KCNQ5: variants seen among roughly 807,000 people sequenced by gnomAD.
KCNQ5 encodes potassium voltage-gated channel subfamily Q member 5, also known as potassium voltage-gated channel subfamily KQT member 5.
A neutral mutation model predicts 98.2 loss-of-function variants in KCNQ5; 30 were observed. The ratio of observed to expected loss-of-function variants is 0.31; its 90% confidence interval spans 0.23 to 0.41. The LOEUF (loss-of-function observed/expected upper bound fraction) is 0.41, where lower values mean the gene tolerates loss of function less well. Ranked by LOEUF, KCNQ5 falls within the 10% of genes least tolerant of loss-of-function variation. KCNQ5 has a pLI of 1.00. For missense variants in KCNQ5, 835 were observed against 1,182.5 expected (o/e 0.71, Z 4.31); for synonymous variants, 458 against 449.4 (o/e 1.02, Z -0.24).
At chr6:73,041,121 G>C (rs916179913) in intron 2 of KCNQ5, among the ~76,000 whole-genome samples, 1 of 152,168 alleles carries the variant, frequency 6.6e-6, no homozygotes, top group African/African-American at 2.4e-5. Context: ...AGACAGCAAG[G>C]TGACTGTGCT....
chr6:72,916,923 G>A (rs886418054), intron 1 of KCNQ5, among the ~76,000 whole-genome samples: 25 of 152,150 alleles, frequency 1.6e-4, no homozygotes, highest in Non-Finnish European at 2.9e-5. Context: ...GGGATGGGTA[G>A]ACCCTGTACT....
chr6:72,802,321 C>A (rs1251694727), intron 1 of KCNQ5, among the ~76,000 whole-genome samples: 1 of 152,038 alleles, frequency 6.6e-6, no homozygotes, highest in African/African-American at 2.4e-5. Flanking sequence ...AGGCTTTGTT[C>A]GTTTCTTTTT....
chr6:72,859,082 C>A (rs1468869976), intron 1 of KCNQ5, among the ~76,000 whole-genome samples: 1 of 152,034 alleles, frequency 6.6e-6, no homozygotes, highest in African/African-American at 2.4e-5. Flanking sequence ...CTGTTTATGC[C>A]ATATAAATGT....
intron 2 of KCNQ5, among the ~76,000 whole-genome samples, chr6:73,039,514 T>C (rs1771596217): frequency 6.6e-6 from 1 of 152,170 alleles, no homozygotes; most frequent in African/African-American, 2.4e-5. Context: ...TTTTGTTATG[T>C]CATTTTTTTA....
At chr6:73,020,197 G>A (rs1770532255) in intron 2 of KCNQ5, among the ~76,000 whole-genome samples, 1 of 152,024 alleles carries the variant, frequency 6.6e-6, no homozygotes, top group Admixed American at 6.6e-5. Context: ...AGTCCCATGA[G>A]ACTGCCCCAA....
intron 1 of KCNQ5, among the ~76,000 whole-genome samples, chr6:72,641,242 C>G (rs2098927026): frequency 6.6e-6 from 1 of 151,998 alleles, no homozygotes; most frequent in African/African-American, 2.4e-5. Flanking sequence ...TGAAATCAAG[C>G]AAGTGGGAGT....
In KCNQ5 at chr6:73,075,908, G is replaced by C. The variant is rs568650506; in HGVS notation, c.617-1414G>C. 2.9e-3 allele frequency among the ~76,000 whole-genome samples: 435 copies of C among 152,284 alleles called. 2 individuals are homozygous for C. Among genetic ancestry groups the C allele is most frequent in the Non-Finnish European group, 4.7e-3 (322 of 68,020 alleles). ...AAAAATACAAAAATTAGCCAGGCGT[G>C]TTGGTGCATGCCTGTAGTCCTAGCT... On this transcript the variant is annotated intron_variant, in intron 3 of 13. Coordinates refer to ENST00000370398, the MANE Select transcript of KCNQ5 (RefSeq NM_019842.4).
intron 1 of KCNQ5, among the ~76,000 whole-genome samples, chr6:72,838,104 T>TC (rs926433444): frequency 1.6e-4 from 12 of 73,852 alleles, no homozygotes; most frequent in African/African-American, 4.5e-4. Flanking sequence ...CCCTCCCCCC[T>TC]CCCCCCACCC....
chr6:72,864,611 A>C lies in KCNQ5; in HGVS notation c.399-139297A>C, dbSNP rs1344509986. On this transcript the variant is annotated intron_variant, in intron 1 of 13. Coordinates refer to ENST00000370398, the MANE Select transcript of KCNQ5 (RefSeq NM_019842.4). ...TGAGTGAATTTGATTTTATGAAGCC[A>C]TGCAGAATTATTTGGAGATGCTAGT... 3.9e-5 allele frequency among the ~76,000 whole-genome samples: 6 copies of C among 152,318 alleles called. No homozygotes were observed. The East Asian group carries it at 1.2e-3, about 29-fold the overall frequency.
intron 1 of KCNQ5, among the ~76,000 whole-genome samples, chr6:72,917,688 G>A (rs958401406): frequency 1.3e-5 from 2 of 151,984 alleles, no homozygotes; most frequent in African/African-American, 4.8e-5. Flanking sequence ...GGCCAGGATG[G>A]TCTCGATTTC....
chr6:73,129,646 A>G, intron 9 of KCNQ5: 1 of 634,170 alleles, frequency 1.6e-6, no homozygotes, highest in Non-Finnish European at 2.7e-6. Context: ...CAATTAAACA[A>G]CATAGTACTC....
chr6:72,708,538 G>A lies in KCNQ5; in HGVS notation c.398+85951G>A, dbSNP rs187412206. On this transcript the variant is annotated intron_variant, in intron 1 of 13. Coordinates refer to ENST00000370398, the MANE Select transcript of KCNQ5 (RefSeq NM_019842.4). ...ATACATTTTTGGGTTGGGTGGCAGC[G>A]GGGACAGGGTCTCACTCTGTTGCCC... Among the ~76,000 whole-genome samples, 144 of 152,100 alleles carry A rather than the reference G, an allele frequency of 9.5e-4. 1 individual carries two copies. The highest frequency in any genetic ancestry group is 3.1e-3 in the African/African-American group (127 of 41,496).
In KCNQ5 at chr6:73,022,046, T is replaced by G. The variant is rs141074077; in HGVS notation, c.489+18048T>G. On this transcript the variant is annotated intron_variant, in intron 2 of 13. Coordinates refer to ENST00000370398, the MANE Select transcript of KCNQ5 (RefSeq NM_019842.4). ...CACATTAAAGAATAATAGTATAACA[T>G]GAGTCTGTAGCCAACATTAAAAATG... Among the ~76,000 whole-genome samples, 424 of 152,264 alleles carry G rather than the reference T, an allele frequency of 2.8e-3. 8 individuals carry two copies. In the South Asian group the frequency reaches 0.034, roughly 12 times the overall value.
rs1343388488 is a variant in KCNQ5, at chr6:73,196,051, T to A, written c.*637T>A. ...CATGTTGTTCTTTATGACAAGAATG[T>A]TCTTCAATTAGAAAATGTGCAAATA... On this transcript the variant is annotated 3_prime_UTR_variant, in exon 14 of 14. Coordinates refer to ENST00000370398, the MANE Select transcript of KCNQ5 (RefSeq NM_019842.4). 1 of 152,882 alleles carries A rather than the reference T, an allele frequency of 6.5e-6. No individual in the cohort carries two copies. Among genetic ancestry groups the A allele is most frequent in the Non-Finnish European group, 1.5e-5 (1 of 68,388 alleles). The allele number at this position is 152,882 out of a possible 1,614,324, so 9.5% of individuals were successfully genotyped here.
chr6:72,895,214 A>T (rs59665349), intron 1 of KCNQ5, among the ~76,000 whole-genome samples: 1 of 149,632 alleles, frequency 6.7e-6, no homozygotes, highest in South Asian at 2.1e-4. Context: ...GCGTGAACCC[A>T]GGAGGCGGAG....
chr6:72,807,320 A>G (rs947049702), intron 1 of KCNQ5, among the ~76,000 whole-genome samples: 3 of 152,194 alleles, frequency 2.0e-5, no homozygotes, highest in African/African-American at 7.2e-5. Context: ...TATGAAAATA[A>G]CAATATAATA....
intron 1 of KCNQ5, among the ~76,000 whole-genome samples, chr6:72,971,414 CA>C (rs2150284312): frequency 6.6e-6 from 1 of 152,308 alleles, no homozygotes; most frequent in South Asian, 2.1e-4. Flanking sequence ...TAAACTAGTT[CA>C]ACCATTGTGG....
chr6:73,141,001 C>T (rs1263424072), intron 10 of KCNQ5, among the ~76,000 whole-genome samples: 2 of 152,202 alleles, frequency 1.3e-5, no homozygotes, highest in African/African-American at 4.8e-5. Flanking sequence ...TTTCAGACCC[C>T]AAGTGACTAC....
chr6:72,871,112 C>T (rs1164786322), intron 1 of KCNQ5, among the ~76,000 whole-genome samples: 1 of 152,120 alleles, frequency 6.6e-6, no homozygotes, highest in Non-Finnish European at 1.5e-5. Context: ...CCCAGTCCTG[C>T]GTACTCTGCC....
Sources: gnomAD v4.1 joint callset for allele counts (sites outside exome capture counted in the v4.1 genomes callset) on GRCh38, gnomAD v4.1.1 for gene constraint, MANE v1.5 for transcripts, NCBI Gene and HGNC (gene_info 2026-07-23, HGNC 2026-07-21) for gene names.